The following TCEANC2 variants were observed in gnomAD, a reference collection of about 807,000 sequenced individuals.
TCEANC2 encodes transcription elongation factor A N-terminal and central domain containing 2.
Under a neutral mutation model 22.8 loss-of-function variants are expected in TCEANC2, and 20 were observed. That is an observed-to-expected ratio of 0.88 (90% CI 0.62 to 1.28). The LOEUF (loss-of-function observed/expected upper bound fraction) is 1.28, where lower values mean the gene tolerates loss of function less well. TCEANC2 is among the 50% of genes most tolerant of loss of function. The probability of loss-of-function intolerance (pLI) is 0.00; values close to 1 mark genes in which losing one functional copy is unlikely to be tolerated. For synonymous variants in TCEANC2, 84 were observed against 95.5 expected (o/e 0.88, Z 0.70); for missense variants, 251 against 249.7 (o/e 1.01, Z -0.03).
chr1:54,055,060 C>T (rs766041150), intron 2 of TCEANC2, among the ~76,000 whole-genome samples: 23 of 152,214 alleles, frequency 1.5e-4, no homozygotes, highest in Non-Finnish European at 2.8e-4. Context: ...TCACTGCAAC[C>T]TCCACCTCCC....
Position 54,096,484 on chromosome 1 carries a change from G to T in TCEANC2, c.*11G>T, listed in dbSNP as rs1048108568. On this transcript the variant is annotated 3_prime_UTR_variant, in exon 5 of 5. Coordinates refer to ENST00000234827, the MANE Select transcript of TCEANC2 (RefSeq NM_153035.3). The surrounding 1 kb of genome is among the most constrained non-coding windows in gnomAD (Gnocchi z 4.9). ...ACCCACAAAAAGTGACCTGAGGACG[G>T]TTCCAGCCCTGGGCCAGGCAGAGAG... 6.3e-7 allele frequency: 1 copy of T among 1,586,720 alleles called. No individual in the cohort carries two copies. Among genetic ancestry groups the T allele is most frequent in the Middle Eastern group, 1.7e-4 (1 of 5,814 alleles).
At position 54,102,645 on chromosome 1, in the gene TCEANC2, C is replaced by T. The variant is rs1018601067; in HGVS notation, c.*6172C>T. On this transcript the variant is annotated 3_prime_UTR_variant, in exon 5 of 5. Coordinates refer to ENST00000234827, the MANE Select transcript of TCEANC2 (RefSeq NM_153035.3). ...CAGGTGGCCCAGACATCTATGTCAT[C>T]CACTACCTTTGCACCAGTACCTGCC... is the stretch of plus-strand genomic sequence containing the variant. 9 of 152,312 alleles carry T rather than the reference C, an allele frequency of 5.9e-5. No homozygotes were observed. Among genetic ancestry groups the T allele is most frequent in the Non-Finnish European group, 1.2e-4 (8 of 68,088 alleles). 9.4% of individuals were successfully genotyped at this position (152,312 alleles called of 1,614,324 possible).
chr1:54,076,217 C>T (rs150301135), intron 3 of TCEANC2, among the ~76,000 whole-genome samples: 41 of 152,180 alleles, frequency 2.7e-4, no homozygotes, highest in African/African-American at 8.4e-4. Flanking sequence ...ACCTAGTACC[C>T]AATAGTTGTG....
rs1463163952 is a variant in TCEANC2, at chr1:54,066,351, A to T, written c.103-2405A>T. Among the ~76,000 whole-genome samples, 3 of 152,354 alleles carry T rather than the reference A, an allele frequency of 2.0e-5. No homozygotes were observed. The South Asian group carries it at 6.2e-4, about 32-fold the overall frequency. ...AAGAAGAGAAAATATGTTCAAATAT[A>T]TCAGTAATCATAATAAACACAAATG... On this transcript the variant is annotated intron_variant, in intron 2 of 4. Coordinates refer to ENST00000234827, the MANE Select transcript of TCEANC2 (RefSeq NM_153035.3).
chr1:54,106,639 G>A (rs890758560), downstream of TCEANC2, among the ~76,000 whole-genome samples: 8 of 152,028 alleles, frequency 5.3e-5, no homozygotes, highest in African/African-American at 1.9e-4. Context: ...TATAAGTACT[G>A]ACATGGGAAC....
downstream of TCEANC2, among the ~76,000 whole-genome samples, chr1:54,107,010 A>T (rs1174965935): frequency 1.3e-5 from 2 of 152,172 alleles, no homozygotes; most frequent in Non-Finnish European, 2.9e-5. Context: ...TTAAAAGTCC[A>T]CTGTTGGTAT....
chr1:54,104,748 G>A lies in TCEANC2; in HGVS notation c.*8275G>A, dbSNP rs1381640434. The stretch of plus-strand genomic sequence containing the variant: ...GTAGAGATGGAGTTTCGCCATGTTG[G>A]CCAGACTAGTTTTGAACTTCTGGCC... On this transcript the variant is annotated 3_prime_UTR_variant, in exon 5 of 5. Coordinates refer to ENST00000234827, the MANE Select transcript of TCEANC2 (RefSeq NM_153035.3). 6.7e-6 allele frequency: 3 copies of A among 444,836 alleles called. No individual in the cohort carries two copies. The highest frequency in any genetic ancestry group is 1.4e-5 in the Non-Finnish European group (3 of 219,106). The allele number at this position is 444,836 out of a possible 1,614,324, so 27.6% of individuals were successfully genotyped here. A position where few individuals can be genotyped will look rare whatever the true frequency, so the allele number is the denominator to read the frequency against.
At position 54,102,642 on chromosome 1, in the gene TCEANC2, C is replaced by T. The variant is rs1400142279; in HGVS notation, c.*6169C>T. 2.6e-5 allele frequency: 4 copies of T among 152,302 alleles called. No homozygotes were observed. Among genetic ancestry groups the T allele is most frequent in the Non-Finnish European group, 5.9e-5 (4 of 68,098 alleles). The allele number at this position is 152,302 out of a possible 1,614,324, so 9.4% of individuals were successfully genotyped here. On this transcript the variant is annotated 3_prime_UTR_variant, in exon 5 of 5. Coordinates refer to ENST00000234827, the MANE Select transcript of TCEANC2 (RefSeq NM_153035.3). ...GAGCAGGTGGCCCAGACATCTATGT[C>T]ATCCACTACCTTTGCACCAGTACCT...
intron 2 of TCEANC2, among the ~76,000 whole-genome samples, chr1:54,063,431 G>A (rs1657893541): frequency 2.0e-5 from 3 of 152,116 alleles, no homozygotes; most frequent in Admixed American, 1.3e-4. Flanking sequence ...CCCACTACAG[G>A]TGCCAAAATC....
chr1:54,079,211 C>A (rs1028790501), intron 3 of TCEANC2, among the ~76,000 whole-genome samples: 2 of 152,080 alleles, frequency 1.3e-5, no homozygotes, highest in African/African-American at 4.8e-5. Context: ...TTAACAACAA[C>A]AACAAAACCC....
In TCEANC2 at chr1:54,099,039, A is replaced by C. The variant is rs1029961657; in HGVS notation, c.*2566A>C. On this transcript the variant is annotated 3_prime_UTR_variant, in exon 5 of 5. Coordinates refer to ENST00000234827, the MANE Select transcript of TCEANC2 (RefSeq NM_153035.3). Reference sequence around the variant, plus strand: ...TCAGGTTTGAAGGGTCTTGAGCATCAGGTGAAGGCGTTAGACTGATTTGAA... The same window carrying C: ...TCAGGTTTGAAGGGTCTTGAGCATCCGGTGAAGGCGTTAGACTGATTTGAA... The C allele has an allele frequency of 4.6e-5, 7 of 152,400 alleles. No individual in the cohort carries two copies. The highest frequency in any genetic ancestry group is 1.7e-4 in the African/African-American group (7 of 41,470). The allele number at this position is 152,400 out of a possible 1,614,324, so 9.4% of individuals were successfully genotyped here. A position where few individuals can be genotyped will look rare whatever the true frequency, so the allele number is the denominator to read the frequency against.
intron 3 of TCEANC2, among the ~76,000 whole-genome samples, chr1:54,083,880 T>C (rs569608737): frequency 3.3e-4 from 50 of 152,350 alleles, no homozygotes; most frequent in Non-Finnish European, 6.0e-4. Context: ...TGTTTATATG[T>C]ATACACATAT....
At chr1:54,077,509 A>T (rs1468430486) in intron 3 of TCEANC2, among the ~76,000 whole-genome samples, 1 of 152,034 alleles carries the variant, frequency 6.6e-6, no homozygotes, top group East Asian at 1.9e-4. Context: ...GAGACCATTG[A>T]TACTCCCTTT....
rs1173849983 is a variant in TCEANC2 at position 54,097,043 on chromosome 1, G to C, written c.*570G>C. 3.1e-6 allele frequency: 3 copies of C among 964,714 alleles called. No homozygotes were observed. Among genetic ancestry groups the C allele is most frequent in the African/African-American group, 3.5e-5 (2 of 56,766 alleles). The allele number at this position is 964,714 out of a possible 1,614,324, so 59.8% of individuals were successfully genotyped here. A position where few individuals can be genotyped will look rare whatever the true frequency, so the allele number is the denominator to read the frequency against. ...CAGCTCTCCCTGGAAGACCTTCTGC[G>C]TTGGTCTCCAGAGCCCCCATGCTGA... On this transcript the variant is annotated 3_prime_UTR_variant, in exon 5 of 5. Transcript: ENST00000234827.
intron 3 of TCEANC2, among the ~76,000 whole-genome samples, chr1:54,075,506 A>C (rs1658128908): frequency 6.6e-6 from 1 of 152,214 alleles, no homozygotes; most frequent in African/African-American, 2.4e-5. Context: ...GATTATAAAG[A>C]AACTTAAAAG....
chr1:54,075,906 C>T (rs938361486), intron 3 of TCEANC2, among the ~76,000 whole-genome samples: 3 of 151,360 alleles, frequency 2.0e-5, no homozygotes, highest in African/African-American at 7.3e-5. Flanking sequence ...CCTAGCTACT[C>T]GGGAGGCTGA....
At chr1:54,057,328 A>T (rs1175946279) in intron 2 of TCEANC2, among the ~76,000 whole-genome samples, 1 of 144,246 alleles carries the variant, frequency 6.9e-6, no homozygotes, top group Admixed American at 6.9e-5. Flanking sequence ...CTATAGGCAC[A>T]TGCCACCACA....
At chr1:54,083,343 G>A (rs933800885) in intron 3 of TCEANC2, among the ~76,000 whole-genome samples, 1 of 152,152 alleles carries the variant, frequency 6.6e-6, no homozygotes, top group African/African-American at 2.4e-5. Flanking sequence ...AGAGGCCAAG[G>A]ACCATGCCCT....
chr1:54,068,783 A>G lies in TCEANC2; in HGVS notation c.130A>G (p.Arg44Gly), dbSNP rs1156998967. ...AGTTGTGGTTGTAGAAGACATAAAA[A>G]GATGGAAAACTATGCTGGAGCTTCC... is the stretch of plus-strand genomic sequence containing the variant. ...KRVVVVEDIK[R>G]WKTMLELPDQ... Residue 44 changes from arginine to glycine, a missense_variant, in exon 3 of 5, where the codon AGA (arginine) becomes GGA (glycine). Physicochemically the swap from Arg to Gly is moderately radical, Grantham distance 125 (BLOSUM62 -2). Transcript: ENST00000234827. 6.2e-7 allele frequency: 1 copy of G among 1,607,462 alleles called. No homozygotes were observed. Among genetic ancestry groups the G allele is most frequent in the Non-Finnish European group, 8.5e-7 (1 of 1,178,308 alleles).
Sources: gnomAD v4.1 joint callset for allele counts (sites outside exome capture counted in the v4.1 genomes callset) on GRCh38, gnomAD v4.1.1 for gene constraint, Gnocchi (gnomAD v3.1) non-coding constraint, MANE v1.5 for transcripts, NCBI Gene and HGNC (gene_info 2026-07-23, HGNC 2026-07-21) for gene names.